The following INPP5A variants were observed in gnomAD, a reference collection of about 807,000 sequenced individuals.
The protein encoded by INPP5A is 43 kDa inositol polyphosphate 5-phophatase.
Under a neutral mutation model 65.2 loss-of-function variants are expected in INPP5A, and 14 were observed. The observed-to-expected ratio is 0.21, with a 90% confidence interval of 0.14 to 0.34. The LOEUF (loss-of-function observed/expected upper bound fraction) is 0.34. Among genes scored for constraint, INPP5A ranks in the 10% least tolerant of loss-of-function variants. INPP5A has a pLI of 1.00. For synonymous variants in INPP5A, 207 were observed against 208.3 expected (o/e 0.99, Z 0.05); for missense variants, 431 against 545.6 (o/e 0.79, Z 2.09).
At chr10:132,656,161 G>A (rs1442234770) in intron 4 of INPP5A, among the ~76,000 whole-genome samples, 1 of 152,224 alleles carries the variant, frequency 6.6e-6, no homozygotes, top group Non-Finnish European at 1.5e-5. Flanking sequence ...GCTGGCAGTG[G>A]GGACAGGGTG....
intron 1 of INPP5A, among the ~76,000 whole-genome samples, chr10:132,593,288 C>T (rs1042988792): frequency 3.3e-5 from 5 of 152,126 alleles, no homozygotes; most frequent in Admixed American, 2.0e-4. Flanking sequence ...ACGGGGATTA[C>T]ACTGGATGTG....
At chr10:132,766,954 T>C (rs1195475503) in intron 12 of INPP5A, among the ~76,000 whole-genome samples, 1 of 91,760 alleles carries the variant, frequency 1.1e-5, no homozygotes, top group South Asian at 3.9e-4. Context: ...GGAGCTTGGG[T>C]GGGAGTTGGA....
chr10:132,689,012 TG>T (rs1394933447), intron 4 of INPP5A, among the ~76,000 whole-genome samples: 16 of 151,910 alleles, frequency 1.1e-4, no homozygotes, highest in Non-Finnish European at 7.4e-5. Flanking sequence ...TGTGAGTGCT[TG>T]TGCGTGAGTG....
chr10:132,720,843 G>T (rs1402404554), intron 8 of INPP5A, among the ~76,000 whole-genome samples: 1 of 150,842 alleles, frequency 6.6e-6, no homozygotes, highest in Non-Finnish European at 1.5e-5. Context: ...GGTTCTGTCT[G>T]GGCACCTTAG....
At chr10:132,736,733 G>A (rs116751068) in intron 9 of INPP5A, among the ~76,000 whole-genome samples, 176 of 152,374 alleles carry the variant, frequency 1.2e-3, no homozygotes, top group African/African-American at 3.7e-3. Context: ...GCGCCCAGGC[G>A]TCCTTCCTTC....
intron 1 of INPP5A, among the ~76,000 whole-genome samples, chr10:132,596,913 G>GCACGCATGTGCACA (rs2071702301): frequency 2.3e-5 from 1 of 42,966 alleles, no homozygotes; most frequent in African/African-American, 4.4e-5. Context: ...GTGCATGTGT[G>GCACGCATGTGCACA]CATGTGTGCG....
At chr10:132,743,705 C>T (rs1259330771) in intron 9 of INPP5A, among the ~76,000 whole-genome samples, 1 of 152,234 alleles carries the variant, frequency 6.6e-6, no homozygotes, top group Non-Finnish European at 1.5e-5. Flanking sequence ...CACACCACCC[C>T]AGCCAGCCCA....
intron 1 of INPP5A, among the ~76,000 whole-genome samples, chr10:132,552,896 G>A (rs2071074201): frequency 7.5e-6 from 1 of 132,802 alleles, no homozygotes; most frequent in Non-Finnish European, 1.6e-5. Flanking sequence ...GTGGCATATT[G>A]GGTAGGATAG....
chr10:132,645,602 T>C (rs1391112428), intron 2 of INPP5A, among the ~76,000 whole-genome samples: 1 of 152,242 alleles, frequency 6.6e-6, no homozygotes, highest in East Asian at 1.9e-4. Context: ...CTCTAGATGA[T>C]TGAAGAGGCT....
intron 11 of INPP5A, among the ~76,000 whole-genome samples, chr10:132,756,347 CAT>C (rs200224369): frequency 1.4e-4 from 21 of 151,716 alleles, no homozygotes; most frequent in African/African-American, 4.1e-4. Context: ...GTGGTGTATG[CAT>C]GTGTGTGTAC....
chr10:132,580,780 ATCAG>A (rs753574601), intron 1 of INPP5A, among the ~76,000 whole-genome samples: 3 of 152,228 alleles, frequency 2.0e-5, no homozygotes, highest in Non-Finnish European at 1.5e-5. Flanking sequence ...TCCTCTGTCC[ATCAG>A]TCATTGTTGA....
At chr10:132,723,285 G>C (rs1229900297) in intron 8 of INPP5A, among the ~76,000 whole-genome samples, 2 of 152,248 alleles carry the variant, frequency 1.3e-5, no homozygotes, top group African/African-American at 4.8e-5. Context: ...GAGGAAACTC[G>C]GTCAGTGGAG....
chr10:132,572,546 T>A (rs1314736065), intron 1 of INPP5A, among the ~76,000 whole-genome samples: 1 of 151,816 alleles, frequency 6.6e-6, no homozygotes, highest in Non-Finnish European at 1.5e-5. Context: ...CTGCTTTCCC[T>A]GTGAAGCAGC....
chr10:132,728,974 A>G (rs1227042880), intron 9 of INPP5A, among the ~76,000 whole-genome samples: 3 of 150,826 alleles, frequency 2.0e-5, no homozygotes, highest in Non-Finnish European at 4.4e-5. Context: ...GGGGTCCTGG[A>G]CGCTGGGTCC....
intron 4 of INPP5A, among the ~76,000 whole-genome samples, chr10:132,670,363 AC>A (rs2072871002): frequency 1.1e-4 from 1 of 9,408 alleles, no homozygotes; most frequent in Non-Finnish European, 2.1e-4. Context: ...ACCTGACCCC[AC>A]CCCCCCGACC....
intron 3 of INPP5A, among the ~76,000 whole-genome samples, chr10:132,646,200 G>A (rs2072491862): frequency 6.6e-6 from 1 of 152,204 alleles, no homozygotes; most frequent in African/African-American, 2.4e-5. Context: ...CCTCCACACG[G>A]CGAGGGTCTG....
intron 1 of INPP5A, among the ~76,000 whole-genome samples, chr10:132,568,474 C>T (rs1055817148): frequency 1.3e-5 from 2 of 151,940 alleles, no homozygotes; most frequent in East Asian, 1.9e-4. Context: ...GCCTGTAATC[C>T]CAGCTACTGG....
intron 4 of INPP5A, among the ~76,000 whole-genome samples, chr10:132,653,218 G>A (rs999175669): frequency 2.0e-5 from 3 of 152,182 alleles, no homozygotes; most frequent in African/African-American, 4.8e-5. Context: ...CCACCAAAAC[G>A]TTTTTCCACA....
At chr10:132,734,482 GT>G (rs1846142080) in intron 9 of INPP5A, among the ~76,000 whole-genome samples, 1 of 152,242 alleles carries the variant, frequency 6.6e-6, no homozygotes, top group African/African-American at 2.4e-5. Context: ...GATTCGCAGC[GT>G]TTCCAGCTGC....
Sources: allele counts gnomAD v4.1 joint callset (sites outside exome capture counted in the v4.1 genomes callset), GRCh38; gene constraint gnomAD v4.1.1; transcripts MANE v1.5; gene names NCBI Gene and HGNC (gene_info 2026-07-23, HGNC 2026-07-21).